DNAJC15: variants seen among roughly 807,000 people sequenced by gnomAD.
DNAJC15 encodes DnaJ heat shock protein family (Hsp40) member C15.
In DNAJC15, 27 loss-of-function variants were observed where a neutral mutation model predicts 22.4. The observed-to-expected ratio is 1.20, with a 90% CI of 0.89 to 1.66. The LOEUF (loss-of-function observed/expected upper bound fraction) is 1.66, where lower values mean the gene tolerates loss of function less well. DNAJC15 is among the 40% of genes most tolerant of loss of function. The pLI, the probability that DNAJC15 is intolerant of heterozygous loss-of-function variation, is 0.00. For synonymous variants in DNAJC15, 79 were observed against 63.2 expected, an observed-to-expected ratio of 1.25 and a Z score of -1.19; for missense variants, 208 against 187.1, an observed-to-expected ratio of 1.11 and a Z score of -0.65.
intron 3 of DNAJC15, among the ~76,000 whole-genome samples, chr13:43,075,554 C>A (rs1287576135): frequency 6.6e-6 from 1 of 152,126 alleles, no homozygotes; most frequent in African/African-American, 2.4e-5. Flanking sequence ...GGTGATACTT[C>A]TGTTTTGTTA....
chr13:43,111,888 T>A lies in DNAJC15; in HGVS notation c.*4640T>A, dbSNP rs923634454. Reference sequence around the variant, plus strand: ...AGTATCATCTACTTGTCAAAAACATTCCATGAATTATGAGTCAAAATTTTA... The same window carrying A: ...AGTATCATCTACTTGTCAAAAACATACCATGAATTATGAGTCAAAATTTTA... On this transcript the variant is annotated 3_prime_UTR_variant, in exon 6 of 6. Transcript: ENST00000379221. The A allele has an allele frequency of 6.6e-6, 1 of 152,192 alleles. No homozygotes were observed. Among genetic ancestry groups the A allele is most frequent in the South Asian group, 2.1e-4 (1 of 4,830 alleles). The allele number at this position is 152,192 out of a possible 1,614,324, so 9.4% of individuals were successfully genotyped here. A position where few individuals can be genotyped will look rare whatever the true frequency, so the allele number is the denominator to read the frequency against.
At chr13:43,029,075 T>C (rs2040393217) in intron 1 of DNAJC15, among the ~76,000 whole-genome samples, 1 of 152,212 alleles carries the variant, frequency 6.6e-6, no homozygotes, top group South Asian at 2.1e-4. Context: ...TAAATAAACA[T>C]GGATATTTGA....
intron 2 of DNAJC15, among the ~76,000 whole-genome samples, chr13:43,068,668 A>G (rs766523763): frequency 3.3e-5 from 5 of 152,108 alleles, no homozygotes; most frequent in Non-Finnish European, 7.4e-5. Flanking sequence ...GATATTACAC[A>G]TAAACATTGA....
At chr13:43,034,107 C>A (rs1335879466) in intron 1 of DNAJC15, among the ~76,000 whole-genome samples, 1 of 150,650 alleles carries the variant, frequency 6.6e-6, no homozygotes, top group Non-Finnish European at 1.5e-5. Flanking sequence ...ATGTTTGTTG[C>A]AATTGATGTT....
intron 4 of DNAJC15, among the ~76,000 whole-genome samples, chr13:43,083,916 A>G (rs534420434): frequency 2.1e-4 from 32 of 152,284 alleles, no homozygotes; most frequent in Admixed American, 9.8e-4. Context: ...TATTTAATTC[A>G]TTTTACTCAT....
chr13:43,074,890 T>C (rs1315943573), intron 3 of DNAJC15, among the ~76,000 whole-genome samples: 1 of 152,158 alleles, frequency 6.6e-6, no homozygotes, highest in Non-Finnish European at 1.5e-5. Flanking sequence ...GCCCTCCATG[T>C]CTGCAATGAA....
At chr13:43,103,939 G>A (rs1416236489) in intron 5 of DNAJC15, among the ~76,000 whole-genome samples, 1 of 152,018 alleles carries the variant, frequency 6.6e-6, no homozygotes, top group African/African-American at 2.4e-5. Flanking sequence ...CTAATAATTA[G>A]TATAACAATG....
Position 43,076,680 on chromosome 13 carries a change from TAA to T in DNAJC15, c.235-1931_235-1930del, listed in dbSNP as rs201776681. On this transcript the variant is annotated intron_variant, in intron 3 of 5. Transcript: ENST00000379221. ...TATGTGTATGTTTCCTCCTAAAAGC[TAA>T]GTTTATACATCCTGTTTCTCTGTTT... Among the ~76,000 whole-genome samples, 630 of 152,340 alleles carry T rather than the reference TAA, an allele frequency of 4.1e-3. 7 individuals carry two copies. Among genetic ancestry groups the T allele is most frequent in the African/African-American group, 0.014 (590 of 41,584 alleles).
Position 43,028,019 on chromosome 13 carries a change from G to T in DNAJC15, c.108+4285G>T, listed in dbSNP as rs572256542. ...GGAGGCTAGAATGTTAAGTTTCATG[G>T]ACAGGGACTTTATTTGTTCTCTGGT... is the stretch of plus-strand genomic sequence containing the variant. On this transcript the variant is annotated intron_variant, in intron 1 of 5. Coordinates refer to ENST00000379221, the MANE Select transcript of DNAJC15 (RefSeq NM_013238.3). Among the ~76,000 whole-genome samples the T allele has an allele frequency of 2.6e-4, 39 of 152,260 alleles. No homozygotes were observed. The South Asian group carries it at 3.3e-3, about 13-fold the overall frequency.
intron 1 of DNAJC15, among the ~76,000 whole-genome samples, chr13:43,051,319 T>C (rs1327530793): frequency 1.3e-5 from 2 of 152,076 alleles, no homozygotes; most frequent in Non-Finnish European, 1.5e-5. Context: ...GAACAGGTGG[T>C]GTTTGGTTAC....
intron 1 of DNAJC15, among the ~76,000 whole-genome samples, chr13:43,029,161 T>A: frequency 6.6e-6 from 1 of 152,208 alleles, no homozygotes; most frequent in East Asian, 2.0e-4. Context: ...AGAGCAAGAG[T>A]CTGTGTCTCT....
intron 5 of DNAJC15, among the ~76,000 whole-genome samples, chr13:43,106,809 A>G (rs1262064312): frequency 6.6e-6 from 1 of 151,916 alleles, no homozygotes; most frequent in Non-Finnish European, 1.5e-5. Flanking sequence ...AAAAAAAAAA[A>G]AACAGTCATG....
Position 43,077,471 on chromosome 13 carries a change from A to T in DNAJC15, c.235-1141A>T, listed in dbSNP as rs182753423. 2.0e-5 allele frequency among the ~76,000 whole-genome samples: 3 copies of T among 152,320 alleles called. No homozygotes were observed. In the East Asian group the frequency reaches 5.8e-4, roughly 29 times the overall value. On this transcript the variant is annotated intron_variant, in intron 3 of 5. Transcript: ENST00000379221. ...AGGATGGCTCATTGTAGTTATCCCA[A>T]GTTGGGGCAAGGGGTCATAGGATTA... is the stretch of plus-strand genomic sequence containing the variant.
intron 1 of DNAJC15, among the ~76,000 whole-genome samples, chr13:43,026,321 G>A (rs1051775082): frequency 6.6e-6 from 1 of 152,092 alleles, no homozygotes; most frequent in African/African-American, 2.4e-5. Flanking sequence ...TAAAATTGAG[G>A]GATGCAAACA....
At chr13:43,089,580 C>T (rs2040704728) in intron 5 of DNAJC15, among the ~76,000 whole-genome samples, 1 of 152,120 alleles carries the variant, frequency 6.6e-6, no homozygotes. Context: ...TGAAGGAAAA[C>T]TAGTGTGATA....
At chr13:43,068,485 CATAAAT>C (rs1319624213) in intron 2 of DNAJC15, among the ~76,000 whole-genome samples, 1 of 151,938 alleles carries the variant, frequency 6.6e-6, no homozygotes, top group Non-Finnish European at 1.5e-5. Context: ...TAGTATAGAT[CATAAAT>C]ATAATTTGTT....
chr13:43,094,540 A>G (rs868499975), intron 5 of DNAJC15, among the ~76,000 whole-genome samples: 1 of 152,142 alleles, frequency 6.6e-6, no homozygotes, highest in Non-Finnish European at 1.5e-5. Flanking sequence ...GCAGGTTCTG[A>G]TCTCTAATCG....
rs529513174 is a variant in DNAJC15, at chr13:43,063,761, G to A, written c.109-1925G>A. Among the ~76,000 whole-genome samples, 27 of 152,290 alleles carry A rather than the reference G, an allele frequency of 1.8e-4. No homozygotes were observed. In the South Asian group the frequency reaches 4.8e-3, roughly 27 times the overall value. ...TGCCATCTGGGAGATTCAAGCTGAG[G>A]TATTAAGAGCAGGTAGGATTTGGGT... On this transcript the variant is annotated intron_variant, in intron 1 of 5. Transcript: ENST00000379221.
intron 1 of DNAJC15, among the ~76,000 whole-genome samples, chr13:43,044,410 C>T (rs566234399): frequency 2.4e-4 from 36 of 152,288 alleles, no homozygotes; most frequent in African/African-American, 8.2e-4. Context: ...ATACTCGTCA[C>T]GGCATATTGT....
Sources: gnomAD v4.1 joint callset for allele counts (sites outside exome capture counted in the v4.1 genomes callset) on GRCh38, gnomAD v4.1.1 for gene constraint, MANE v1.5 for transcripts, NCBI Gene and HGNC (gene_info 2026-07-23, HGNC 2026-07-21) for gene names.